Variants in ITGB7 observed in about 807,000 individuals in gnomAD.
ITGB7 encodes integrin subunit beta 7, also known as integrin beta-7.
A neutral mutation model predicts 83.4 loss-of-function variants in ITGB7; 55 were observed. The observed-to-expected ratio is 0.66, with a 90% confidence interval of 0.53 to 0.83. The LOEUF (loss-of-function observed/expected upper bound fraction) is 0.83. ITGB7 is among the 40% of genes least tolerant of loss of function. ITGB7 has a pLI of 0.00. For missense variants in ITGB7, 921 were observed against 1,046.7 expected (o/e 0.88, Z 1.66); for synonymous variants, 454 against 423.6 (o/e 1.07, Z -0.88).
chr12:53,192,355 G>C lies in ITGB7; in HGVS notation c.2130C>G (p.Val710=), dbSNP rs755930937. The change falls in exon 14 of 16, where the codon GTC becomes GTG. Residue 710 remains valine, a synonymous_variant. Transcript: ENST00000267082. ...TTTCTTGGGGTCTCACTCTGAGCAC[G>C]ACCGTGCCTCTGGCGTCATCCTCCA... ...FLVEDDARGT[V]VLRVRPQEKG... is the part of the protein sequence containing the mutation. 6.2e-7 allele frequency: 1 copy of C among 1,613,984 alleles called. No individual in the cohort carries two copies. The highest frequency in any genetic ancestry group is 8.5e-7 in the Non-Finnish European group (1 of 1,180,010).
In ITGB7 at chr12:53,196,054, C is replaced by T. The variant is rs145175119; in HGVS notation, c.962G>A (p.Arg321His). The part of the protein sequence containing the change: ...CHLDSNGLYS[R>H]STEFDYPSVG... ...ATAGGGACTCACAAACTCTGTGCTGCGACTGTAGAGGCCATTGCTGTCCAA... is the reference window on the plus strand; with the variant it reads ...ATAGGGACTCACAAACTCTGTGCTGTGACTGTAGAGGCCATTGCTGTCCAA... Residue 321 changes from arginine to histidine, a missense_variant, in exon 7 of 16, where the codon CGC (arginine) becomes CAC (histidine). Transcript: ENST00000267082. 192 of 1,614,004 alleles carry T rather than the reference C, an allele frequency of 1.2e-4. No individual in the cohort carries two copies. Among genetic ancestry groups the T allele is most frequent in the Non-Finnish European group, 1.4e-4 (171 of 1,179,928 alleles).
In ITGB7 at chr12:53,197,569, G is replaced by A; in HGVS notation, c.498C>T (p.Asp166=). Residue 166 remains aspartate, a synonymous_variant, in exon 5 of 16, where the codon GAC becomes GAT. Coordinates refer to ENST00000267082, the MANE Select transcript of ITGB7 (RefSeq NM_000889.3). ...YLMDLSYSMK[D]DLERVRQLGH... Reference sequence around the variant, plus strand: ...CGAGCTGGCGCACGCGTTCCAGGTCGTCCTTCATGGAGTAGCTCAGGTCCA... The same window carrying A: ...CGAGCTGGCGCACGCGTTCCAGGTCATCCTTCATGGAGTAGCTCAGGTCCA... The A allele has an allele frequency of 6.2e-7, 1 of 1,614,218 alleles. No individual in the cohort carries two copies. Among genetic ancestry groups the A allele is most frequent in the Non-Finnish European group, 8.5e-7 (1 of 1,180,024 alleles).
rs1489610418 is a variant in ITGB7, at chr12:53,195,386, C to T, written c.1149G>A (p.Met383Ile). The T allele has an allele frequency of 6.2e-7, 1 of 1,611,898 alleles. No individual in the cohort carries two copies. Among genetic ancestry groups the T allele is most frequent in the African/African-American group, 1.3e-5 (1 of 74,840 alleles). ...CCTGGCCCCTCACATTATAAGCATC[C>T]ATGATGAGCTGTACCACGTTGCTGG... ...EDSSNVVQLI[M>I]DAYNSLSSTV... The change falls in exon 9 of 16, where the codon ATG becomes ATA. Residue 383 changes from methionine (M) to isoleucine (I), a missense_variant. Physicochemically the swap from Met to Ile is conservative, Grantham distance 10 (BLOSUM62 1). Transcript: ENST00000267082.
In ITGB7 at chr12:53,191,372, G is replaced by A; in HGVS notation, c.*184C>T. 1.6e-6 allele frequency: 1 copy of A among 618,912 alleles called. No individual in the cohort carries two copies. The highest frequency in any genetic ancestry group is 1.8e-5 in the South Asian group (1 of 55,210). 38.3% of individuals were successfully genotyped at this position (618,912 alleles called of 1,614,324 possible). A position where few individuals can be genotyped will look rare whatever the true frequency, so the allele number is the denominator to read the frequency against. On this transcript the variant is annotated 3_prime_UTR_variant, in exon 16 of 16. Transcript: ENST00000267082. ...CTTGGGTGGGGTAGCCCAGATGGAT[G>A]CAAGGTTGCAGGCATGGGAAGCAGC... is the stretch of plus-strand genomic sequence containing the variant.
At chr12:53,194,137 G>A in intron 10 of ITGB7, 61 bp downstream of exon 10, 1 of 1,606,086 alleles carries the variant, frequency 6.2e-7, no homozygotes, top group Non-Finnish European at 8.5e-7. Context: ...TTTCCTGCCT[G>A]CTTAATTTCC....
chr12:53,198,615 CT>C (rs1232110086), intron 3 of ITGB7, among the ~76,000 whole-genome samples: 3 of 151,678 alleles, frequency 2.0e-5, no homozygotes, highest in African/African-American at 4.9e-5. Flanking sequence ...CACCCCTCCC[CT>C]ATCTCAACTC....
At position 53,195,146 on chromosome 12, in the gene ITGB7, T is replaced by G. The variant is rs551993663; in HGVS notation, c.1161+228A>C. ...AAGCTCAGTGATTGAAACTTTCCTT[T>G]CTTGCCCAGAGCAGAGCTCCATGCT... On this transcript the variant is annotated intron_variant, in intron 9 of 15. Coordinates refer to ENST00000267082, the MANE Select transcript of ITGB7 (RefSeq NM_000889.3). The G allele has an allele frequency of 6.3e-5, 35 of 557,004 alleles. 1 individual carries two copies. In the South Asian group the frequency reaches 8.1e-4, roughly 13 times the overall value. 34.5% of individuals were successfully genotyped at this position (557,004 alleles called of 1,614,324 possible).
intron 3 of ITGB7, among the ~76,000 whole-genome samples, chr12:53,199,897 T>C (rs1168576548): frequency 6.6e-6 from 1 of 152,220 alleles, no homozygotes; most frequent in Non-Finnish European, 1.5e-5. Context: ...CTTTCTCCCA[T>C]GTTTACATAC....
intron 1 of ITGB7, among the ~76,000 whole-genome samples, chr12:53,205,757 G>A (rs1942428608): frequency 6.6e-6 from 1 of 152,144 alleles, no homozygotes; most frequent in South Asian, 2.1e-4. Context: ...TCTTCAGCCT[G>A]GGCCCAGAGT....
In ITGB7 at chr12:53,197,492, C is replaced by T. The variant is rs759922545; in HGVS notation, c.574+1G>A. The T allele has an allele frequency of 6.2e-7, 1 of 1,614,140 alleles. No homozygotes were observed. On this transcript the variant is annotated splice_donor_variant, in intron 5 of 15. Coordinates refer to ENST00000267082, the MANE Select transcript of ITGB7 (RefSeq NM_000889.3). LOFTEE classifies it high-confidence loss of function. ...AGGGCGGGAGGCAGCGCTCGGCTCA[C>T]CAATGCGCACAGAATGGGTGACTTC...
At chr12:53,196,894 T>C in intron 5 of ITGB7, 74 bp from the exon 6 acceptor site, 1 of 1,517,284 alleles carries the variant, frequency 6.6e-7, no homozygotes, top group Non-Finnish European at 8.9e-7. Flanking sequence ...GAGCGCTCTA[T>C]GGGAAGTGGG....
intron 6 of ITGB7, 117 bp from the exon 7 acceptor site, chr12:53,196,316 C>A: frequency 7.9e-7 from 1 of 1,267,092 alleles, no homozygotes; most frequent in East Asian, 2.4e-5. Context: ...TGTCCATCCC[C>A]TTGCCTCCAG....
intron 5 of ITGB7, 165 bp from the exon 6 acceptor site, chr12:53,196,985 G>C (rs1408648613): frequency 4.2e-6 from 3 of 713,306 alleles, no homozygotes; most frequent in Non-Finnish European, 6.9e-6. Flanking sequence ...GAGACCACTG[G>C]CTCAGGGAAG....
At chr12:53,196,392 T>C (rs1942160350) in intron 6 of ITGB7, 187 bp downstream of exon 6, 2 of 1,030,844 alleles carry the variant, frequency 1.9e-6, no homozygotes, top group African/African-American at 1.6e-5. Flanking sequence ...GGCTTACTTG[T>C]GAATTCGAAA....
In ITGB7 at chr12:53,200,340, C is replaced by A. The variant is rs61730602; in HGVS notation, c.104G>T (p.Arg35Leu). The change falls in exon 3 of 16, where the codon CGG becomes CTG. Residue 35 changes from arginine (R) to leucine (L), a missense_variant. By Grantham distance (102) the Arg-to-Leu change is moderately radical. Transcript: ENST00000267082. ...CCCCAGCATGGACAGGTGAGGATTC[C>A]GCCATTCTGTGGCATCCCCTGTGGA... is the stretch of plus-strand genomic sequence containing the variant. Reference protein sequence around the residue: ...IPSTGDATEWRNPHLSMLGSC... With the variant: ...IPSTGDATEWLNPHLSMLGSC... 6.2e-7 allele frequency: 1 copy of A among 1,614,160 alleles called. No individual in the cohort carries two copies. The highest frequency in any genetic ancestry group is 1.3e-5 in the African/African-American group (1 of 75,030).
intron 10 of ITGB7, 30 bp downstream of exon 10, chr12:53,194,168 C>T (rs146185756): frequency 0.014 from 23,093 of 1,613,022 alleles, 217 homozygotes; most frequent in Non-Finnish European, 0.016. Context: ...TCCCCCTGCC[C>T]GCCTTCTGCC....
chr12:53,191,868 G>A lies in ITGB7; in HGVS notation c.2307C>T (p.Asn769=). 1 of 1,613,450 alleles carries A rather than the reference G, an allele frequency of 6.2e-7. No individual in the cohort carries two copies. Among genetic ancestry groups the A allele is most frequent in the Non-Finnish European group, 8.5e-7 (1 of 1,179,982 alleles). The part of the protein sequence containing the change: ...SRFEKEQQQL[N]WKQDSNPLYK... ...CAGGAAGTCTCCTCACCTGCTTCCAGTTGAGTTGTTGCTGCTCCTTCTCAA... is the reference window on the plus strand; with the variant it reads ...CAGGAAGTCTCCTCACCTGCTTCCAATTGAGTTGTTGCTGCTCCTTCTCAA... Residue 769 remains asparagine (N), a synonymous_variant, in exon 15 of 16, where the codon AAC becomes AAT. Transcript: ENST00000267082.
intron 1 of ITGB7, among the ~76,000 whole-genome samples, chr12:53,206,093 T>C (rs1247378969): frequency 6.6e-6 from 1 of 152,198 alleles, no homozygotes; most frequent in Non-Finnish European, 1.5e-5. Flanking sequence ...TGGGACTTCC[T>C]GGACAGCCCT....
intron 1 of ITGB7, among the ~76,000 whole-genome samples, chr12:53,204,170 A>G (rs1942382221): frequency 6.6e-6 from 1 of 152,152 alleles, no homozygotes; most frequent in Non-Finnish European, 1.5e-5. Context: ...ACTTGAGATC[A>G]GGAGTTCAAA....
Sources: allele counts gnomAD v4.1 joint callset (sites outside exome capture counted in the v4.1 genomes callset), GRCh38; gene constraint gnomAD v4.1.1; transcripts MANE v1.5; gene names NCBI Gene and HGNC (gene_info 2026-07-23, HGNC 2026-07-21).